Variants in NHLRC3 observed in about 807,000 individuals in gnomAD.
NHLRC3 encodes NHL repeat-containing protein 3.
In NHLRC3, 23 loss-of-function variants were observed where a neutral mutation model predicts 32.0. The ratio of observed to expected loss-of-function variants is 0.72; its 90% confidence interval spans 0.52 to 1.02. The LOEUF (loss-of-function observed/expected upper bound fraction) is 1.02. Ranked by LOEUF, NHLRC3 falls within the 50% of genes least tolerant of loss-of-function variation. The pLI is 0.00. For synonymous variants in NHLRC3, 159 were observed against 147.9 expected, an observed-to-expected ratio of 1.08 and a Z score of -0.55; for missense variants, 407 against 406.8, an observed-to-expected ratio of 1.00 and a Z score of -0.01.
At chr13:39,043,513 G>GC (rs1871542436) in intron 4 of NHLRC3, among the ~76,000 whole-genome samples, 2 of 151,990 alleles carry the variant, frequency 1.3e-5, no homozygotes. Context: ...GTGTTTTTGT[G>GC]CCTCCAGTCT....
At chr13:39,044,235 GTGT>G (rs779124749) in intron 5 of NHLRC3, 54 bp downstream of exon 5, 19,269 of 758,644 alleles carry the variant, frequency 0.025, 376 homozygotes, top group South Asian at 0.061. Flanking sequence ...ATGTTTGTGT[GTGT>G]GTGTGTGTGT....
chr13:39,047,233 TTAAAA>T (rs1198472217), intron 6 of NHLRC3, 81 bp downstream of exon 6: 1 of 754,272 alleles, frequency 1.3e-6, no homozygotes, highest in African/African-American at 1.8e-5. Flanking sequence ...AGCTGAAAGT[TTAAAA>T]TATTTATTGT....
rs1871846241 is a variant in NHLRC3 at position 39,050,030 on chromosome 13, A to G, written c.*2104A>G. 6.6e-6 allele frequency: 1 copy of G among 152,242 alleles called. No individual in the cohort carries two copies. The highest frequency in any genetic ancestry group is 2.1e-4 in the South Asian group (1 of 4,836). 9.4% of individuals were successfully genotyped at this position (152,242 alleles called of 1,614,324 possible). ...AGAAATGTGTTATGTTTTTTACTAAAAAGTATAAATTAAAATTTTGGAAAG... is the reference window on the plus strand; with the variant it reads ...AGAAATGTGTTATGTTTTTTACTAAGAAGTATAAATTAAAATTTTGGAAAG... On this transcript the variant is annotated 3_prime_UTR_variant, in exon 7 of 7. Transcript: ENST00000379600.
At position 39,042,211 on chromosome 13, in the gene NHLRC3, TA is replaced by T; in HGVS notation, c.494del (p.Asn165ThrfsTer7). 6 of 1,611,590 alleles carry T rather than the reference TA, an allele frequency of 3.7e-6. No homozygotes were observed. Among genetic ancestry groups the T allele is most frequent in the Non-Finnish European group, 5.1e-6 (6 of 1,177,806 alleles). The part of the protein sequence containing the change: ...GTSLNPLQFD[N>X]PAELYVEDTG... ...CTAGTTTGAATCCTTTGCAGTTTGATAACCCAGCAGAATTATATGTAGAGGA... is the reference window on the plus strand; with the variant it reads ...CTAGTTTGAATCCTTTGCAGTTTGATACCCAGCAGAATTATATGTAGAGGA... On this transcript the variant is annotated frameshift_variant, in exon 4 of 7. Transcript: ENST00000379600. LOFTEE classifies it high-confidence loss of function.
chr13:39,047,955 G>A lies in NHLRC3; in HGVS notation c.*29G>A, dbSNP rs372614878. On this transcript the variant is annotated 3_prime_UTR_variant, in exon 7 of 7. Transcript: ENST00000379600. ...TTCTTTCCTGGGAATATTTCAAGTGGCAGTTCAGATTCTCAATTCACTAAG... is the reference window on the plus strand; with the variant it reads ...TTCTTTCCTGGGAATATTTCAAGTGACAGTTCAGATTCTCAATTCACTAAG... The A allele has an allele frequency of 2.1e-5, 32 of 1,557,196 alleles. No individual in the cohort carries two copies. The highest frequency in any genetic ancestry group is 2.7e-5 in the Non-Finnish European group (31 of 1,138,844).
intron 5 of NHLRC3, among the ~76,000 whole-genome samples, chr13:39,045,360 A>G (rs1240704537): frequency 6.6e-6 from 1 of 152,196 alleles, no homozygotes; most frequent in Non-Finnish European, 1.5e-5. Context: ...CGACCCAGGT[A>G]AATTCATCAT....
Position 39,047,747 on chromosome 13 carries a change from C to A in NHLRC3, c.865C>A (p.Pro289Thr). The A allele has an allele frequency of 2.5e-6, 4 of 1,614,094 alleles. No homozygotes were observed. The highest frequency in any genetic ancestry group is 2.2e-5 in the South Asian group (2 of 91,080). ...CAGGCTCTCAGTCGTAGCAGCACCC[C>A]CAGTGGGAAGCATTGGGGAGTGTTC... ...LSRLSVVAAP[P>T]VGSIGECSVI... is the part of the protein sequence containing the mutation. Residue 289 changes from proline (P) to threonine (T), a missense_variant, in exon 7 of 7, where the codon CCA becomes ACA. Pro to Thr is a conservative substitution (Grantham distance 38). Coordinates refer to ENST00000379600, the MANE Select transcript of NHLRC3 (RefSeq NM_001012754.4).
rs537326538 is a variant in NHLRC3 at position 39,047,745 on chromosome 13, C to A, written c.863C>A (p.Pro288His). The A allele has an allele frequency of 6.2e-7, 1 of 1,614,014 alleles. No homozygotes were observed. The highest frequency in any genetic ancestry group is 2.2e-5 in the East Asian group (1 of 44,868). ...NLSRLSVVAAPPVGSIGECSV... is the reference protein window; with the variant it reads ...NLSRLSVVAAHPVGSIGECSV... The stretch of plus-strand genomic sequence containing the variant: ...AGCAGGCTCTCAGTCGTAGCAGCAC[C>A]CCCAGTGGGAAGCATTGGGGAGTGT... Residue 288 changes from proline (P) to histidine (H), a missense_variant, in exon 7 of 7, where the codon CCC (proline) becomes CAC (histidine). Transcript: ENST00000379600.
At chr13:39,044,236 T>TGTGG in intron 5 of NHLRC3, 55 bp downstream of exon 5, 1 of 763,386 alleles carries the variant, frequency 1.3e-6, no homozygotes, top group Non-Finnish European at 2.2e-6. Context: ...TGTTTGTGTG[T>TGTGG]GTGTGTGTGT....
intron 4 of NHLRC3, among the ~76,000 whole-genome samples, chr13:39,043,268 G>A (rs1422173807): frequency 1.3e-5 from 2 of 152,224 alleles, no homozygotes; most frequent in Non-Finnish European, 2.9e-5. Flanking sequence ...GAATATAAGT[G>A]TATTAGTTTC....
chr13:39,042,335 ATAT>A lies in NHLRC3; in HGVS notation c.586+34_586+36del, dbSNP rs138608511. ...ATTACTTGTTTATGGTATTATAAAAATATTATAAATTGATTTTAATTTGTTCGA... is the reference window on the plus strand; with the variant it reads ...ATTACTTGTTTATGGTATTATAAAAATATAAATTGATTTTAATTTGTTCGA... On this transcript the variant is annotated intron_variant, in intron 4 of 6. Transcript: ENST00000379600. 1.0e-3 allele frequency: 1,296 copies of A among 1,274,302 alleles called. 16 individuals are homozygous for A. In the African/African-American group the frequency reaches 0.016, roughly 16 times the overall value. 78.9% of individuals were successfully genotyped at this position (1,274,302 alleles called of 1,614,324 possible).
intron 5 of NHLRC3, chr13:39,044,478 C>A: frequency 3.2e-6 from 1 of 312,094 alleles, no homozygotes; most frequent in Non-Finnish European, 5.8e-6. Flanking sequence ...ATAGAAGGCA[C>A]AAATAATGGA....
intron 2 of NHLRC3, 41 bp downstream of exon 2, chr13:39,039,329 A>T (rs756294330): frequency 6.7e-7 from 1 of 1,499,938 alleles, no homozygotes; most frequent in Non-Finnish European, 9.3e-7. Context: ...AACACAAAGG[A>T]AGTAACAGCC....
intron 5 of NHLRC3, among the ~76,000 whole-genome samples, chr13:39,045,403 A>G (rs1045038175): frequency 2.0e-5 from 3 of 152,182 alleles, no homozygotes; most frequent in Non-Finnish European, 2.9e-5. Flanking sequence ...GGCCTTGGAA[A>G]TCATCTGATG....
intron 5 of NHLRC3, 48 bp downstream of exon 5, chr13:39,044,229 TTGTGTG>T (rs370553701): frequency 0.02 from 16,835 of 855,234 alleles, 45 homozygotes; most frequent in Admixed American, 0.028. Context: ...CTGAATATGT[TTGTGTG>T]TGTGTGTGTG....
At chr13:39,042,365 A>G in intron 4 of NHLRC3, 60 bp downstream of exon 4, 1 of 1,051,244 alleles carries the variant, frequency 9.5e-7, no homozygotes, top group Non-Finnish European at 1.4e-6. Context: ...TTTGTTCGAT[A>G]TTTGGTATAA....
At position 39,039,065 on chromosome 13, in the gene NHLRC3, C is replaced by T. The variant is rs1871334967; in HGVS notation, c.85-71C>T. On this transcript the variant is annotated intron_variant, in intron 1 of 6. Transcript: ENST00000379600. ...ATGCTTAAAAATAAGCCCTGTTACCCGGCCCCCCCGCCCTTTTTTTGTTCT... is the reference window on the plus strand; with the variant it reads ...ATGCTTAAAAATAAGCCCTGTTACCTGGCCCCCCCGCCCTTTTTTTGTTCT... 1.6e-5 allele frequency: 11 copies of T among 696,664 alleles called. No homozygotes were observed. In the Admixed American group the frequency reaches 2.0e-4, roughly 13 times the overall value. 43.2% of individuals were successfully genotyped at this position (696,664 alleles called of 1,614,324 possible). A position where few individuals can be genotyped will look rare whatever the true frequency, so the allele number is the denominator to read the frequency against.
At chr13:39,045,519 A>G (rs1275128121) in intron 5 of NHLRC3, among the ~76,000 whole-genome samples, 2 of 152,210 alleles carry the variant, frequency 1.3e-5, no homozygotes, top group Non-Finnish European at 1.5e-5. Context: ...TAATTCATTT[A>G]ATCATCACCA....
chr13:39,038,923 C>T, intron 1 of NHLRC3, 200 bp downstream of exon 1: 2 of 640,036 alleles, frequency 3.1e-6, no homozygotes, highest in South Asian at 3.9e-5. Context: ...TCTTTCCCAA[C>T]TCTTACTACA....
Sources: allele counts gnomAD v4.1 joint callset (sites outside exome capture counted in the v4.1 genomes callset), GRCh38; gene constraint gnomAD v4.1.1; transcripts MANE v1.5; gene names NCBI Gene and HGNC (gene_info 2026-07-23, HGNC 2026-07-21).